Variants in GRIK3 observed in about 807,000 individuals in gnomAD.
The protein encoded by GRIK3 is glutamate receptor ionotropic, kainate 3.
Under a neutral mutation model 102.5 loss-of-function variants are expected in GRIK3, and 29 were observed. The ratio of observed to expected loss-of-function variants is 0.28; its 90% CI spans 0.21 to 0.39. The LOEUF is 0.39. Among genes scored for constraint, GRIK3 ranks in the 10% least tolerant of loss-of-function variants. The pLI is 1.00. For synonymous variants in GRIK3, 511 were observed against 504.9 expected (o/e 1.01, Z -0.16); for missense variants, 908 against 1,252.4 (o/e 0.73, Z 4.15).
chr1:36,862,569 G>A (rs1233953805), intron 5 of GRIK3, among the ~76,000 whole-genome samples: 1 of 152,174 alleles, frequency 6.6e-6, no homozygotes, highest in African/African-American at 2.4e-5. Context: ...AGATGGGTCT[G>A]GGTTTAGATC....
intron 1 of GRIK3, among the ~76,000 whole-genome samples, chr1:36,968,220 C>T (rs900683969): frequency 1.4e-5 from 2 of 141,062 alleles, no homozygotes; most frequent in Admixed American, 7.1e-5. Flanking sequence ...TCTCTCTCTC[C>T]GTGTGTGTGT....
intron 1 of GRIK3, among the ~76,000 whole-genome samples, chr1:36,926,678 C>T (rs147188804): frequency 0.013 from 1,949 of 152,120 alleles, 47 homozygotes; most frequent in African/African-American, 0.045. Context: ...TGTGAGCCAC[C>T]GTGCCCGGCC....
intron 1 of GRIK3, among the ~76,000 whole-genome samples, chr1:37,030,030 G>C (rs1233494804): frequency 6.6e-6 from 1 of 152,232 alleles, no homozygotes; most frequent in Admixed American, 6.5e-5. Flanking sequence ...CGAAGTGCGA[G>C]GCAGGCATCA....
In GRIK3 at chr1:36,864,446, A is replaced by G. The variant is rs574766603; in HGVS notation, c.787-4429T>C. ...TCTTCTCCAATTCAGTGTTGACCTG[A>G]TATCTAAGGCTTGAAAGATGCCAAA... On this transcript the variant is annotated intron_variant, in intron 5 of 15. Coordinates refer to ENST00000373091, the MANE Select transcript of GRIK3 (RefSeq NM_000831.4). Among the ~76,000 whole-genome samples, 63 of 152,316 alleles carry G rather than the reference A, an allele frequency of 4.1e-4. No homozygotes were observed. In the Middle Eastern group the frequency reaches 0.017, roughly 41 times the overall value.
At chr1:36,857,561 G>A (rs1340782952) in intron 7 of GRIK3, among the ~76,000 whole-genome samples, 3 of 152,198 alleles carry the variant, frequency 2.0e-5, no homozygotes, top group Non-Finnish European at 2.9e-5. Context: ...GGAGTTTGCC[G>A]GGTGTGGAAA....
Position 36,891,038 on chromosome 1 carries a change from A to G in GRIK3, c.174T>C (p.His58=), listed in dbSNP as rs116465127. 303 of 1,614,052 alleles carry G rather than the reference A, an allele frequency of 1.9e-4. 3 individuals are homozygous for G. In the East Asian group the frequency reaches 6.7e-3, roughly 35 times the overall value. The change falls in exon 2 of 16, where the codon CAT becomes CAC. Residue 58 remains histidine (H), a synonymous_variant. Transcript: ENST00000373091. The part of the protein sequence containing the change: ...PNAQVMNAEE[H]AFRFSANIIN... ...TGATGTTGGCAGAAAATCGAAAGGC[A>G]TGCTCCTCGGCATTCATGACCTGGG...
Position 36,879,713 on chromosome 1 carries a change from G to A in GRIK3, c.550+921C>T, listed in dbSNP as rs569004064. 1.2e-4 allele frequency among the ~76,000 whole-genome samples: 19 copies of A among 152,268 alleles called. No homozygotes were observed. In the South Asian group the frequency reaches 3.9e-3, roughly 32 times the overall value. On this transcript the variant is annotated intron_variant, in intron 3 of 15. Coordinates refer to ENST00000373091, the MANE Select transcript of GRIK3 (RefSeq NM_000831.4). ...GGCAGGGCAGGAGTGGGTCAGGTGG[G>A]TCCTACCCAGAAAAATGTGGGCAGC...
chr1:36,984,064 C>T (rs1642277994), intron 1 of GRIK3, among the ~76,000 whole-genome samples: 1 of 152,234 alleles, frequency 6.6e-6, no homozygotes, highest in South Asian at 2.1e-4. Context: ...GCATGTTCTT[C>T]CACACTCGCA....
chr1:36,889,050 T>C (rs1442321028), intron 2 of GRIK3, among the ~76,000 whole-genome samples: 11 of 152,022 alleles, frequency 7.2e-5, no homozygotes, highest in Non-Finnish European at 1.5e-5. Context: ...CCAGGTTCTA[T>C]AGTGGAGCAG....
intron 10 of GRIK3, among the ~76,000 whole-genome samples, chr1:36,827,926 G>A (rs1369330083): frequency 6.6e-6 from 1 of 152,170 alleles, no homozygotes; most frequent in African/African-American, 2.4e-5. Context: ...GGGAGGAGGA[G>A]CCTATTAGAA....
At chr1:36,945,683 C>A (rs1337887424) in intron 1 of GRIK3, among the ~76,000 whole-genome samples, 2 of 152,152 alleles carry the variant, frequency 1.3e-5, no homozygotes, top group Non-Finnish European at 2.9e-5. Context: ...TTCAAAGGTT[C>A]TTTTGGTGTG....
chr1:36,842,402 G>T (rs1406083113), intron 9 of GRIK3, among the ~76,000 whole-genome samples: 1 of 152,216 alleles, frequency 6.6e-6, no homozygotes, highest in Non-Finnish European at 1.5e-5. Context: ...AGCGATCTGT[G>T]TTTTCAGAAG....
chr1:36,895,421 T>C (rs1310723129), intron 1 of GRIK3, among the ~76,000 whole-genome samples: 3 of 150,906 alleles, frequency 2.0e-5, no homozygotes, highest in Admixed American at 6.6e-5. Flanking sequence ...GGCAAAGAGA[T>C]GGGAATTCTA....
At chr1:36,945,019 C>T (rs1641767307) in intron 1 of GRIK3, among the ~76,000 whole-genome samples, 1 of 152,236 alleles carries the variant, frequency 6.6e-6, no homozygotes, top group Non-Finnish European at 1.5e-5. Context: ...CCCAGCCATG[C>T]TGGCCTGTGG....
chr1:36,964,845 G>A (rs1325485717), intron 1 of GRIK3, among the ~76,000 whole-genome samples: 1 of 152,224 alleles, frequency 6.6e-6, no homozygotes, highest in African/African-American at 2.4e-5. Context: ...CAAATGTCCT[G>A]TGGGGGAGAG....
intron 1 of GRIK3, among the ~76,000 whole-genome samples, chr1:37,027,464 C>T (rs904954197): frequency 1.3e-5 from 2 of 152,068 alleles, no homozygotes; most frequent in Non-Finnish European, 2.9e-5. Flanking sequence ...TAAGGAGGCA[C>T]CCCCTCTCAT....
chr1:36,811,693 G>A lies in GRIK3; in HGVS notation c.2091+5367C>T, dbSNP rs141959450. ...CCCAGGAGGGAATTTCGGGGCAAGA[G>A]GAAAGGGTCCAGCCTGCCTCTTTGG... On this transcript the variant is annotated intron_variant, in intron 13 of 15. Coordinates refer to ENST00000373091, the MANE Select transcript of GRIK3 (RefSeq NM_000831.4). 4.9e-3 allele frequency among the ~76,000 whole-genome samples: 742 copies of A among 152,296 alleles called. 9 individuals carry two copies. The highest frequency in any genetic ancestry group is 0.017 in the African/African-American group (697 of 41,546).
chr1:36,935,737 C>G (rs1641649357), intron 1 of GRIK3, among the ~76,000 whole-genome samples: 1 of 152,116 alleles, frequency 6.6e-6, no homozygotes, highest in African/African-American at 2.4e-5. Context: ...CTAAAACAAA[C>G]TAACTGCGAG....
At position 36,806,908 on chromosome 1, in the gene GRIK3, G is replaced by A. The variant is rs926716709; in HGVS notation, c.2092-582C>T. Among the ~76,000 whole-genome samples the A allele has an allele frequency of 6.6e-6, 1 of 152,200 alleles. No individual in the cohort carries two copies. The highest frequency in any genetic ancestry group is 2.4e-5 in the African/African-American group (1 of 41,444). Reference sequence around the variant, plus strand: ...TGAGGGTGGAGGGGGAGAGACAGCTGCTCATCGGGGCAAAGCTGAGTGGGT... The same window carrying A: ...TGAGGGTGGAGGGGGAGAGACAGCTACTCATCGGGGCAAAGCTGAGTGGGT... On this transcript the variant is annotated intron_variant, in intron 13 of 15. Transcript: ENST00000373091. The surrounding 1 kb of genome is among the most constrained non-coding windows in gnomAD (Gnocchi z 4.0).
Sources: allele counts gnomAD v4.1 joint callset (sites outside exome capture counted in the v4.1 genomes callset), GRCh38; gene constraint gnomAD v4.1.1; non-coding constraint Gnocchi (gnomAD v3.1); transcripts MANE v1.5; gene names NCBI Gene and HGNC (gene_info 2026-07-23, HGNC 2026-07-21).